MIPEP: variants seen among roughly 807,000 people sequenced by gnomAD.
MIPEP encodes the protein mitochondrial intermediate peptidase.
MIPEP carries 79 observed loss-of-function variants against 90.3 expected under a neutral mutation model. The observed-to-expected ratio is 0.87, with a 90% CI of 0.73 to 1.05. The LOEUF (loss-of-function observed/expected upper bound fraction) is 1.05, where lower values mean the gene tolerates loss of function less well. Ranked by LOEUF, MIPEP falls within the 50% of genes least tolerant of loss-of-function variation. The pLI, the probability that MIPEP is intolerant of heterozygous loss-of-function variation, is 0.00. For missense variants in MIPEP, 940 were observed against 905.6 expected, an observed-to-expected ratio of 1.04 and a Z score of -0.49; for synonymous variants, 334 against 315.8, an observed-to-expected ratio of 1.06 and a Z score of -0.61.
intron 2 of MIPEP, 107 bp from the exon 3 acceptor site, chr13:23,881,894 C>G (rs4067963): frequency 1.1e-5 from 9 of 796,464 alleles, no homozygotes; most frequent in African/African-American, 5.2e-5. Flanking sequence ...CATTGGCTTG[C>G]CCTATGCATT....
At chr13:23,823,639 G>A (rs1390795231) in intron 14 of MIPEP, among the ~76,000 whole-genome samples, 2 of 152,128 alleles carry the variant, frequency 1.3e-5, no homozygotes, top group Non-Finnish European at 2.9e-5. Flanking sequence ...GAACAGGCTG[G>A]GCAACAGAAC....
rs147195750 is a variant in MIPEP at position 23,740,327 on chromosome 13, T to C, written c.2045-9882A>G. Reference sequence around the variant, plus strand: ...TCTATGGCTGGCTGGAGCTGAGCCATCCCAGTACCAGCCCCATGAAGAACA... The same window carrying C: ...TCTATGGCTGGCTGGAGCTGAGCCACCCCAGTACCAGCCCCATGAAGAACA... On this transcript the variant is annotated intron_variant, in intron 18 of 18. Coordinates refer to ENST00000382172, the MANE Select transcript of MIPEP (RefSeq NM_005932.4). 1.1e-3 allele frequency among the ~76,000 whole-genome samples: 167 copies of C among 151,572 alleles called. 1 individual carries two copies. The highest frequency in any genetic ancestry group is 3.6e-3 in the African/African-American group (150 of 41,238).
chr13:23,771,422 A>C (rs1229077400), intron 16 of MIPEP, among the ~76,000 whole-genome samples: 3 of 152,128 alleles, frequency 2.0e-5, no homozygotes, highest in Non-Finnish European at 4.4e-5. Context: ...ATTTGGAAAC[A>C]GTTTACATCT....
rs140205321 is a variant in MIPEP at position 23,797,866 on chromosome 13, C to T, written c.1848+8084G>A. ...ATCTTTTATGCTCAGTCTCTCTGCTCACAACTCAAAGCAATTTGATAGGCT... is the reference window on the plus strand; with the variant it reads ...ATCTTTTATGCTCAGTCTCTCTGCTTACAACTCAAAGCAATTTGATAGGCT... On this transcript the variant is annotated intron_variant, in intron 16 of 18. Transcript: ENST00000382172. Among the ~76,000 whole-genome samples the T allele has an allele frequency of 6.8e-4, 104 of 152,326 alleles. 2 individuals are homozygous for T. In the East Asian group the frequency reaches 0.013, roughly 19 times the overall value.
chr13:23,851,943 G>A (rs1183345375), intron 10 of MIPEP, among the ~76,000 whole-genome samples: 1 of 152,176 alleles, frequency 6.6e-6, no homozygotes, highest in Non-Finnish European at 1.5e-5. Context: ...ATGTTTAACA[G>A]TGAGTTATTA....
chr13:23,881,912 C>G (rs1282190831), intron 2 of MIPEP, 125 bp from the exon 3 acceptor site: 6 of 680,456 alleles, frequency 8.8e-6, no homozygotes, highest in South Asian at 7.3e-5. Context: ...ATTTCCATTA[C>G]TGACTTTTTC....
intron 13 of MIPEP, among the ~76,000 whole-genome samples, chr13:23,836,991 T>C (rs1869083647): frequency 6.6e-6 from 1 of 152,178 alleles, no homozygotes; most frequent in Non-Finnish European, 1.5e-5. Context: ...ATGCTGACCA[T>C]ATGTGATAGG....
intron 8 of MIPEP, among the ~76,000 whole-genome samples, chr13:23,862,904 G>A (rs1156235118): frequency 1.3e-5 from 2 of 152,170 alleles, no homozygotes; most frequent in Non-Finnish European, 2.9e-5. Flanking sequence ...CTATAGCTAT[G>A]TAGAGAAAGA....
chr13:23,849,826 C>T (rs56073254), intron 10 of MIPEP, among the ~76,000 whole-genome samples: 2,636 of 152,320 alleles, frequency 0.017, 38 homozygotes, highest in Non-Finnish European at 0.026. Flanking sequence ...TTATGAAGCA[C>T]ACTCTATGAG....
In MIPEP at chr13:23,843,889, G is replaced by A. The variant is rs189496204; in HGVS notation, c.1107-2401C>T. Reference sequence around the variant, plus strand: ...GAATAACACTCAGGTTTCTGGCTTGGACAAATAAGTGGATGGTAGAGTCAC... The same window carrying A: ...GAATAACACTCAGGTTTCTGGCTTGAACAAATAAGTGGATGGTAGAGTCAC... On this transcript the variant is annotated intron_variant, in intron 10 of 18. Coordinates refer to ENST00000382172, the MANE Select transcript of MIPEP (RefSeq NM_005932.4). Among the ~76,000 whole-genome samples the A allele has an allele frequency of 2.6e-5, 4 of 152,286 alleles. No homozygotes were observed. In the East Asian group the frequency reaches 7.7e-4, roughly 29 times the overall value.
At chr13:23,836,113 G>T in intron 14 of MIPEP, 127 bp downstream of exon 14, 1 of 548,420 alleles carries the variant, frequency 1.8e-6, no homozygotes, top group Non-Finnish European at 3.2e-6. Context: ...AAAAAAAGAA[G>T]CAATAAAAGG....
At chr13:23,878,837 G>A (rs1253078621) in intron 4 of MIPEP, among the ~76,000 whole-genome samples, 2 of 152,246 alleles carry the variant, frequency 1.3e-5, no homozygotes, top group South Asian at 2.1e-4. Flanking sequence ...ATGGAACTTT[G>A]AGCATAAAGC....
intron 10 of MIPEP, among the ~76,000 whole-genome samples, chr13:23,856,634 T>C (rs1391214301): frequency 6.6e-6 from 1 of 152,180 alleles, no homozygotes; most frequent in African/African-American, 2.4e-5. Flanking sequence ...ATTATGCTAA[T>C]GAGTAGTGAG....
At chr13:23,863,188 C>A (rs769131728) in intron 8 of MIPEP, among the ~76,000 whole-genome samples, 10 of 152,158 alleles carry the variant, frequency 6.6e-5, no homozygotes, top group Non-Finnish European at 1.0e-4. Flanking sequence ...GAGAAAACAT[C>A]ATCCTTTTTT....
intron 3 of MIPEP, 84 bp from the exon 4 acceptor site, chr13:23,879,438 G>C (rs940604158): frequency 2.8e-6 from 2 of 726,868 alleles, no homozygotes; most frequent in Non-Finnish European, 4.7e-6. Flanking sequence ...GTGTCAGCTT[G>C]TACCACACAC....
intron 14 of MIPEP, among the ~76,000 whole-genome samples, chr13:23,828,033 T>A (rs1198393642): frequency 6.6e-6 from 1 of 152,218 alleles, no homozygotes; most frequent in Admixed American, 6.5e-5. Flanking sequence ...AATGCAAAGG[T>A]GGCTAATGTT....
chr13:23,886,076 C>T (rs879915656), intron 2 of MIPEP, among the ~76,000 whole-genome samples: 2 of 151,318 alleles, frequency 1.3e-5, no homozygotes, highest in African/African-American at 2.4e-5. Context: ...TATTAGTATT[C>T]ATTCATTATA....
At chr13:23,836,102 G>GA in intron 14 of MIPEP, 138 bp downstream of exon 14, 1 of 537,336 alleles carries the variant, frequency 1.9e-6, no homozygotes, top group Non-Finnish European at 3.3e-6. Flanking sequence ...AGGGAATCAG[G>GA]AAAAAAAGAA....
chr13:23,759,196 A>G (rs886107713), intron 17 of MIPEP, among the ~76,000 whole-genome samples: 13 of 152,276 alleles, frequency 8.5e-5, no homozygotes, highest in African/African-American at 2.9e-4. Flanking sequence ...CTTGGTTCCT[A>G]TTGTTATAGG....
Sources: gnomAD v4.1 joint callset for allele counts (sites outside exome capture counted in the v4.1 genomes callset) on GRCh38, gnomAD v4.1.1 for gene constraint, MANE v1.5 for transcripts, NCBI Gene and HGNC (gene_info 2026-07-23, HGNC 2026-07-21) for gene names.